PNPLA7: variants seen among roughly 807,000 people sequenced by gnomAD.
PNPLA7 encodes patatin-like phospholipase domain-containing protein 7.
In PNPLA7, 153 loss-of-function variants were observed where a neutral mutation model predicts 161.7. The ratio of observed to expected loss-of-function variants is 0.95; its 90% CI spans 0.83 to 1.08. The LOEUF (loss-of-function observed/expected upper bound fraction) is 1.08, where lower values mean the gene tolerates loss of function less well. PNPLA7 is among the 50% of genes least tolerant of loss of function. The pLI is 0.00. For synonymous variants in PNPLA7, 809 were observed against 782.1 expected, an observed-to-expected ratio of 1.03 and a Z score of -0.57; for missense variants, 1,739 against 1,856.6, an observed-to-expected ratio of 0.94 and a Z score of 1.16.
Position 137,550,368 on chromosome 9 carries a change from A to G in PNPLA7, c.-171T>C. On this transcript the variant is annotated 5_prime_UTR_variant, in exon 1 of 35. Transcript: ENST00000406427. The stretch of plus-strand genomic sequence containing the variant: ...CTGCTGAAAAAGTCTGTTCTCCAGG[A>G]AGAAAAGCTGTCTTTTGAGAAGTGT... 2.3e-5 allele frequency: 17 copies of G among 731,148 alleles called. No individual in the cohort carries two copies. In the South Asian group the frequency reaches 2.7e-4, roughly 12 times the overall value. The allele number at this position is 731,148 out of a possible 1,614,324, so 45.3% of individuals were successfully genotyped here.
In PNPLA7 at chr9:137,501,657, C is replaced by T. The variant is rs1833428239; in HGVS notation, c.1544G>A (p.Gly515Glu). The T allele has an allele frequency of 6.2e-7, 1 of 1,612,328 alleles. No homozygotes were observed. Among genetic ancestry groups the T allele is most frequent in the Non-Finnish European group, 8.5e-7 (1 of 1,179,756 alleles). Residue 515 changes from glycine to glutamate, a missense_variant, in exon 15 of 35, where the codon GGA becomes GAA. By Grantham distance (98) the Gly-to-Glu change is moderately conservative (BLOSUM62 -2). This residue lies in a region of PNPLA7 where 481 missense variants were observed against 450.0 expected (regional missense o/e 1.07). Transcript: ENST00000406427. ...VPAGTVVSRQ[G>E]DQDASILFVV... ...CCCCAGACCCCCGCTCACCTGGTCT[C>T]CCTGCCTTGACACCACCGTGCCTGC...
chr9:137,515,636 C>A, intron 11 of PNPLA7, 117 bp from the exon 12 acceptor site: 2 of 1,288,038 alleles, frequency 1.6e-6, no homozygotes, highest in Non-Finnish European at 2.1e-6. Flanking sequence ...CACCTGAACG[C>A]GCTCTGGACC....
At chr9:137,480,916 G>A (rs771347193) in intron 22 of PNPLA7, 44 bp downstream of exon 22, 54 of 1,542,572 alleles carry the variant, frequency 3.5e-5, no homozygotes, top group Non-Finnish European at 4.3e-5. Context: ...TCAGGGCTGC[G>A]TTGGGCCGGC....
rs369634710 is a variant in PNPLA7, at chr9:137,462,832, C to A, written c.3345G>T (p.Ala1115=). ...TTGCCCCCATGGACCGGGCCACATC[C>A]GCTAGGGAGAAGCCAGCCCTGGTTA... ...MDGGYINNLP[A]DVARSMGAKV... Residue 1115 remains alanine (A), a splice_region_variant and synonymous_variant, in exon 30 of 35, where the codon GCG becomes GCT. Transcript: ENST00000406427. 6.2e-7 allele frequency: 1 copy of A among 1,613,586 alleles called. No individual in the cohort carries two copies. The highest frequency in any genetic ancestry group is 1.3e-5 in the African/African-American group (1 of 74,926).
At chr9:137,534,827 C>G (rs1190575832) in intron 8 of PNPLA7, among the ~76,000 whole-genome samples, 2 of 152,142 alleles carry the variant, frequency 1.3e-5, no homozygotes, top group African/African-American at 2.4e-5. Context: ...GATACCCAAC[C>G]TAAACCCCTA....
At chr9:137,518,484 C>A (rs151005283) in intron 11 of PNPLA7, among the ~76,000 whole-genome samples, 1 of 47,876 alleles carries the variant, frequency 2.1e-5, no homozygotes, top group Non-Finnish European at 4.5e-5. Context: ...ACTCCATCCC[C>A]CACTCACTCC....
chr9:137,472,479 C>T (rs1472992930), intron 25 of PNPLA7, among the ~76,000 whole-genome samples: 2 of 149,030 alleles, frequency 1.3e-5, no homozygotes, highest in African/African-American at 2.5e-5. Context: ...GGTGAAACCC[C>T]GTCTCTACTA....
intron 25 of PNPLA7, among the ~76,000 whole-genome samples, chr9:137,472,709 C>T (rs1169599206): frequency 6.8e-6 from 1 of 147,854 alleles, no homozygotes; most frequent in African/African-American, 2.5e-5. Flanking sequence ...GTAATTCCAG[C>T]ACTTTGGGAG....
At chr9:137,521,859 C>T (rs1835011234) in intron 9 of PNPLA7, 143 bp from the exon 10 acceptor site, 1 of 592,294 alleles carries the variant, frequency 1.7e-6, no homozygotes, top group African/African-American at 1.9e-5. Context: ...AAAAACCCCG[C>T]AGACTTGACA....
chr9:137,472,984 TCA>T, intron 25 of PNPLA7, among the ~76,000 whole-genome samples: 1 of 151,384 alleles, frequency 6.6e-6, no homozygotes, highest in East Asian at 1.9e-4. Context: ...TTTAATGGAC[TCA>T]CAGTTCCACG....
chr9:137,497,993 C>T, intron 17 of PNPLA7, 121 bp downstream of exon 17: 2 of 1,459,756 alleles, frequency 1.4e-6, no homozygotes, highest in Non-Finnish European at 1.9e-6. Flanking sequence ...TCCAGCCTTC[C>T]ATGTGTGGTT....
Position 137,467,795 on chromosome 9 carries a change from G to C in PNPLA7, c.2883-322C>G, listed in dbSNP as rs1187593652. Among the ~76,000 whole-genome samples the C allele has an allele frequency of 6.6e-6, 1 of 152,202 alleles. No homozygotes were observed. Among genetic ancestry groups the C allele is most frequent in the Non-Finnish European group, 1.5e-5 (1 of 68,034 alleles). On this transcript the variant is annotated intron_variant, in intron 25 of 34. Coordinates refer to ENST00000406427, the MANE Select transcript of PNPLA7 (RefSeq NM_001098537.3). The surrounding 1 kb of genome is among the most constrained non-coding windows in gnomAD (Gnocchi z 5.1). ...CGCCTGTAATCCCAGCTACTCGGGAGGCTGAGGCAGGAGAATCACCTGAAC... is the reference window on the plus strand; with the variant it reads ...CGCCTGTAATCCCAGCTACTCGGGACGCTGAGGCAGGAGAATCACCTGAAC...
At chr9:137,503,735 G>A (rs1455427914) in intron 14 of PNPLA7, among the ~76,000 whole-genome samples, 1 of 141,898 alleles carries the variant, frequency 7.0e-6, no homozygotes, top group Non-Finnish European at 1.5e-5. Context: ...AAAGGGGAAG[G>A]GGAAGGAAGA....
chr9:137,478,741 C>T (rs1229542631), intron 24 of PNPLA7: 1 of 278,952 alleles, frequency 3.6e-6, no homozygotes, highest in Non-Finnish European at 6.8e-6. Context: ...GTTCACTGAG[C>T]CCCCCTGACG....
At position 137,543,696 on chromosome 9, in the gene PNPLA7, A is replaced by G. The variant is rs753683611; in HGVS notation, c.365+28T>C. 6.2e-7 allele frequency: 1 copy of G among 1,612,544 alleles called. No homozygotes were observed. On this transcript the variant is annotated intron_variant, in intron 5 of 34. Transcript: ENST00000406427. This position sits in a 1 kb window ranked among gnomAD's most constrained non-coding sequence, Gnocchi z 6.9. ...CAGCACCATGGGGGGCACCTGGGGC[A>G]GGATGTGGTCTGAAGGACACACAGT...
intron 7 of PNPLA7, among the ~76,000 whole-genome samples, chr9:137,542,356 A>G (rs1045828357): frequency 6.6e-6 from 1 of 152,136 alleles, no homozygotes; most frequent in African/African-American, 2.4e-5. Context: ...CTGTAATCCC[A>G]GCTACTCGAG....
At position 137,501,704 on chromosome 9, in the gene PNPLA7, C is replaced by T. The variant is rs769762433; in HGVS notation, c.1497G>A (p.Arg499=). The T allele has an allele frequency of 8.7e-6, 14 of 1,612,556 alleles. No individual in the cohort carries two copies. The African/African-American group carries it at 1.5e-4, about 17-fold the overall frequency. The change falls in exon 15 of 35, where the codon CGG becomes CGA. Residue 499 remains arginine (R), a synonymous_variant. Transcript: ENST00000406427. ...CTGCAGGAACGTGCAGAAGCGCCAC[C>T]CGGCCATCCAACAGAGATGAGTCCT... ...KLEDSSLLDG[R]VALLHVPAGT... is the part of the protein sequence containing the mutation.
chr9:137,511,103 C>T (rs562034083), intron 12 of PNPLA7, among the ~76,000 whole-genome samples: 35 of 152,346 alleles, frequency 2.3e-4, no homozygotes, highest in African/African-American at 8.4e-4. Flanking sequence ...CTTGAGGGCT[C>T]CTTGGTCTAG....
chr9:137,497,174 GC>G lies in PNPLA7; in HGVS notation c.2013+12del. The G allele has an allele frequency of 6.4e-7, 1 of 1,561,202 alleles. No individual in the cohort carries two copies. Among genetic ancestry groups the G allele is most frequent in the Non-Finnish European group, 8.7e-7 (1 of 1,155,140 alleles). On this transcript the variant is annotated intron_variant, in intron 18 of 34. Coordinates refer to ENST00000406427, the MANE Select transcript of PNPLA7 (RefSeq NM_001098537.3). ...CAGAGGTGGGGGAGGCAGGAGCAGG[GC>G]CCAGCACCTACCACGCCGACGAGGT...
Sources: allele counts gnomAD v4.1 joint callset (sites outside exome capture counted in the v4.1 genomes callset), GRCh38; gene constraint gnomAD v4.1.1; regional missense constraint gnomAD v4.1.1; non-coding constraint Gnocchi (gnomAD v3.1); transcripts MANE v1.5; gene names NCBI Gene and HGNC (gene_info 2026-07-23, HGNC 2026-07-21).